The following COL26A1 variants were observed in gnomAD, a reference collection of about 807,000 sequenced individuals.
The protein encoded by COL26A1 is collagen alpha-1(XXVI) chain.
In COL26A1, 41 loss-of-function variants were observed where a neutral mutation model predicts 59.3. That is an observed-to-expected ratio of 0.69 (90% CI 0.54 to 0.90). The LOEUF is 0.90. Ranked by LOEUF, COL26A1 falls within the 40% of genes least tolerant of loss-of-function variation. COL26A1 has a pLI of 0.00. For missense variants in COL26A1, 612 were observed against 602.3 expected (o/e 1.02, Z -0.17); for synonymous variants, 266 against 256.0 (o/e 1.04, Z -0.37).
chr7:101,392,878 C>T (rs896149181), intron 1 of COL26A1, among the ~76,000 whole-genome samples: 3 of 151,990 alleles, frequency 2.0e-5, no homozygotes, highest in African/African-American at 7.3e-5. Flanking sequence ...AGGAGAGTGG[C>T]CCTCAAAGAT....
At chr7:101,395,586 C>T (rs1311766836) in intron 1 of COL26A1, among the ~76,000 whole-genome samples, 5 of 152,168 alleles carry the variant, frequency 3.3e-5, no homozygotes, top group Non-Finnish European at 7.3e-5. Context: ...AATGGCTCTG[C>T]AGGAATGAAT....
intron 3 of COL26A1, among the ~76,000 whole-genome samples, chr7:101,460,293 T>C (rs758134608): frequency 2.0e-5 from 3 of 152,086 alleles, no homozygotes; most frequent in Admixed American, 6.6e-5. Flanking sequence ...AAAGGTACGA[T>C]TGAGGTGTTG....
intron 3 of COL26A1, among the ~76,000 whole-genome samples, chr7:101,516,287 G>A (rs954138054): frequency 6.6e-6 from 1 of 151,894 alleles, no homozygotes; most frequent in Non-Finnish European, 1.5e-5. Flanking sequence ...TTTTTAGAGA[G>A]AGAAAGAGAG....
intron 2 of COL26A1, among the ~76,000 whole-genome samples, chr7:101,447,139 C>T (rs894314408): frequency 2.0e-5 from 3 of 152,018 alleles, no homozygotes; most frequent in African/African-American, 7.2e-5. Context: ...GCTGATCCAT[C>T]GAGGACAGGG....
intron 3 of COL26A1, among the ~76,000 whole-genome samples, chr7:101,527,871 T>A (rs1291808629): frequency 6.6e-6 from 1 of 151,910 alleles, no homozygotes; most frequent in Non-Finnish European, 1.5e-5. Context: ...CATCGTAGAG[T>A]AGTTCGGGCA....
intron 1 of COL26A1, among the ~76,000 whole-genome samples, chr7:101,407,778 G>T (rs1261426239): frequency 6.6e-6 from 1 of 151,972 alleles, no homozygotes; most frequent in Admixed American, 6.6e-5. Context: ...AGAAGTTACA[G>T]CCCCTTTCCA....
chr7:101,443,288 G>A (rs1000067392), intron 2 of COL26A1, among the ~76,000 whole-genome samples: 1 of 152,100 alleles, frequency 6.6e-6, no homozygotes, highest in Non-Finnish European at 1.5e-5. Context: ...TCCTGTCCCA[G>A]CTGCACACAA....
intron 3 of COL26A1, among the ~76,000 whole-genome samples, chr7:101,460,588 CTGGCCAACA>C (rs1488026254): frequency 6.6e-6 from 1 of 151,960 alleles, no homozygotes; most frequent in Non-Finnish European, 1.5e-5. Flanking sequence ...TGAGACCATC[CTGGCCAACA>C]TGGTGAAAAA....
At chr7:101,534,768 GTGTGGCTTGGAGTCAGACATT>G (rs368886404) in intron 4 of COL26A1, among the ~76,000 whole-genome samples, 2,949 of 152,264 alleles carry the variant, frequency 0.019, 31 homozygotes, top group Middle Eastern at 0.071. Context: ...TTGCAGGTGA[GTGTGGCTTGGAGTCAGACATT>G]TGTGGGACCA....
At chr7:101,397,535 C>CA (rs1264556334) in intron 1 of COL26A1, among the ~76,000 whole-genome samples, 2 of 129,872 alleles carry the variant, frequency 1.5e-5, no homozygotes, top group African/African-American at 5.0e-5. Flanking sequence ...CTCTCCTCCC[C>CA]CCCCCTCCTT....
chr7:101,454,407 C>T lies in COL26A1; in HGVS notation c.385+6620C>T, dbSNP rs188188101. Among the ~76,000 whole-genome samples the T allele has an allele frequency of 6.4e-3, 972 of 151,724 alleles. 12 individuals are homozygous for T. Among genetic ancestry groups the T allele is most frequent in the African/African-American group, 0.021 (868 of 41,348 alleles). ...CCAAGTAGCTGGGATTACAGGTGCCCGCCACCACACCCAGCTAATTTTTGT... is the reference window on the plus strand; with the variant it reads ...CCAAGTAGCTGGGATTACAGGTGCCTGCCACCACACCCAGCTAATTTTTGT... On this transcript the variant is annotated intron_variant, in intron 3 of 12. Coordinates refer to ENST00000313669, the MANE Select transcript of COL26A1 (RefSeq NM_001278563.3).
chr7:101,453,944 C>T (rs1199869247), intron 3 of COL26A1, among the ~76,000 whole-genome samples: 1 of 152,148 alleles, frequency 6.6e-6, no homozygotes, highest in Non-Finnish European at 1.5e-5. Context: ...TGGGGTTTCC[C>T]TCCCTAGACA....
intron 3 of COL26A1, among the ~76,000 whole-genome samples, chr7:101,455,897 G>C (rs1459977137): frequency 6.6e-6 from 1 of 151,862 alleles, no homozygotes; most frequent in Admixed American, 6.6e-5. Flanking sequence ...TGTTGGCCAG[G>C]CTGGTCTCGA....
intron 8 of COL26A1, among the ~76,000 whole-genome samples, 159 bp from the exon 9 acceptor site, chr7:101,549,012 A>G (rs1323943396): frequency 6.6e-6 from 1 of 151,944 alleles, no homozygotes; most frequent in African/African-American, 2.4e-5. Context: ...GAGGATGGAG[A>G]CCTCGTTGAG....
chr7:101,478,103 C>T (rs972136165), intron 3 of COL26A1, among the ~76,000 whole-genome samples: 8 of 152,196 alleles, frequency 5.3e-5, no homozygotes, highest in Non-Finnish European at 8.8e-5. Context: ...CCACCTCAGC[C>T]TCCTGAGTAC....
chr7:101,557,272 G>A, intron 12 of COL26A1, 98 bp from the exon 13 acceptor site: 1 of 1,287,152 alleles, frequency 7.8e-7, no homozygotes, highest in African/African-American at 1.5e-5. Flanking sequence ...CTCCACGCTG[G>A]GCAAGAGCAT....
chr7:101,384,230 G>GTTTTTGTTTTTTTTTT (rs768170962), intron 1 of COL26A1, among the ~76,000 whole-genome samples: 5 of 105,680 alleles, frequency 4.7e-5, no homozygotes, highest in African/African-American at 2.0e-4. Context: ...GTTCAGGCTG[G>GTTTTTGTTTTTTTTTT]TTTTTTTTTT....
chr7:101,393,822 C>G (rs1791789856), intron 1 of COL26A1, among the ~76,000 whole-genome samples: 1 of 152,078 alleles, frequency 6.6e-6, no homozygotes, highest in Non-Finnish European at 1.5e-5. Context: ...TCCTAGCTCA[C>G]TACAGCCTCA....
intron 3 of COL26A1, among the ~76,000 whole-genome samples, chr7:101,500,539 C>T (rs907866641): frequency 3.9e-5 from 6 of 152,198 alleles, no homozygotes; most frequent in South Asian, 2.1e-4. Context: ...AATACCGGAC[C>T]GGGCGCGGTG....
Sources: gnomAD v4.1 joint callset for allele counts (sites outside exome capture counted in the v4.1 genomes callset) on GRCh38, gnomAD v4.1.1 for gene constraint, MANE v1.5 for transcripts, NCBI Gene and HGNC (gene_info 2026-07-23, HGNC 2026-07-21) for gene names.